DLC1: variants seen among roughly 807,000 people sequenced by gnomAD.
The protein encoded by DLC1 is rho GTPase-activating protein 7.
In DLC1, 54 loss-of-function variants were observed where a neutral mutation model predicts 140.3. That is an observed-to-expected ratio of 0.38 (90% CI 0.31 to 0.48). DLC1 has a LOEUF of 0.48. Among genes scored for constraint, DLC1 ranks in the 20% least tolerant of loss-of-function variants. The pLI is 0.96. For synonymous variants in DLC1, 986 were observed against 728.1 expected (o/e 1.35, Z -5.70); for missense variants, 2,536 against 1,907.0 (o/e 1.33, Z -6.14).
chr8:13,143,393 C>G (rs1295082424), intron 5 of DLC1, among the ~76,000 whole-genome samples: 2 of 152,162 alleles, frequency 1.3e-5, no homozygotes, highest in Admixed American at 6.5e-5. Flanking sequence ...TTTTAATAAA[C>G]AAAATATGAC....
intron 1 of DLC1, among the ~76,000 whole-genome samples, chr8:13,555,285 A>C (rs1462478647): frequency 6.6e-6 from 1 of 151,996 alleles, no homozygotes; most frequent in East Asian, 1.9e-4. Context: ...TTATCTGCTG[A>C]CACACCAGAT....
intron 4 of DLC1, among the ~76,000 whole-genome samples, chr8:13,387,037 A>T (rs1836553645): frequency 6.6e-6 from 1 of 152,054 alleles, no homozygotes; most frequent in Non-Finnish European, 1.5e-5. Flanking sequence ...GTTTTAATTA[A>T]AAACTGTATT....
chr8:13,204,040 T>A (rs977286843), intron 5 of DLC1, among the ~76,000 whole-genome samples: 2 of 152,206 alleles, frequency 1.3e-5, no homozygotes, highest in African/African-American at 4.8e-5. Context: ...GTACTCACGG[T>A]GTGTGTTGTT....
chr8:13,186,532 TC>T (rs1826378838), intron 5 of DLC1, among the ~76,000 whole-genome samples: 1 of 152,196 alleles, frequency 6.6e-6, no homozygotes, highest in Non-Finnish European at 1.5e-5. Context: ...CACTGTTTAT[TC>T]TAGGTAGCCA....
intron 4 of DLC1, among the ~76,000 whole-genome samples, chr8:13,306,791 T>C (rs1338566145): frequency 6.6e-6 from 1 of 151,922 alleles, no homozygotes. Flanking sequence ...TCCTTATGGA[T>C]AAAAAGTAGA....
In DLC1 at chr8:13,499,583, G is replaced by C; in HGVS notation, c.489C>G (p.Ser163=). ...IIQSNQVSSN[S]WGIAGETELA... ...ATTCAGTTTCACCAGCTATTCCCCA[G>C]GAGTTAGAAGAAACTTGGTTACTTT... The change falls in exon 2 of 18, where the codon TCC becomes TCG. Residue 163 remains serine, a synonymous_variant. Transcript: ENST00000276297. 6.2e-7 allele frequency: 1 copy of C among 1,614,128 alleles called. No individual in the cohort carries two copies. The highest frequency in any genetic ancestry group is 8.5e-7 in the Non-Finnish European group (1 of 1,180,006).
At chr8:13,601,800 A>G (rs17094699) in intron 1 of DLC1, among the ~76,000 whole-genome samples, 2,164 of 151,862 alleles carry the variant, frequency 0.014, 58 homozygotes, top group African/African-American at 0.05. Flanking sequence ...ATCATATATA[A>G]CAACAACAAC....
intron 2 of DLC1, among the ~76,000 whole-genome samples, chr8:13,414,347 A>ATCTT (rs1837948858): frequency 6.6e-6 from 1 of 152,210 alleles, no homozygotes; most frequent in African/African-American, 2.4e-5. Flanking sequence ...TAGACAATTT[A>ATCTT]TCTTTGCCAG....
At chr8:13,340,642 C>T (rs896461307) in intron 4 of DLC1, 1 of 152,166 alleles carries the variant, frequency 6.6e-6, no homozygotes, top group Non-Finnish European at 1.5e-5. Context: ...TTCCTTTCCC[C>T]TAAACAAGGA....
At chr8:13,355,235 C>T (rs1834877059) in intron 4 of DLC1, among the ~76,000 whole-genome samples, 1 of 152,070 alleles carries the variant, frequency 6.6e-6, no homozygotes, top group Non-Finnish European at 1.5e-5. Context: ...CCTGTAATCC[C>T]AACACCTAGG....
intron 5 of DLC1, among the ~76,000 whole-genome samples, chr8:13,242,468 T>C (rs1275587933): frequency 6.6e-6 from 1 of 151,812 alleles, no homozygotes; most frequent in Non-Finnish European, 1.5e-5. Flanking sequence ...TGACCACAGC[T>C]CACTGCAGCC....
Position 13,184,795 on chromosome 8 carries a change from C to G in DLC1, c.1349-69138G>C, listed in dbSNP as rs1016704067. On this transcript the variant is annotated intron_variant, in intron 5 of 17. Coordinates refer to ENST00000276297, the MANE Select transcript of DLC1 (RefSeq NM_182643.3). ...TTCTCTTGATTTGGGGTGGAGAGTT[C>G]TGTAGATGTCTATTAGGTCTGCTTG... Among the ~76,000 whole-genome samples the G allele has an allele frequency of 1.1e-4, 17 of 152,262 alleles. No individual in the cohort carries two copies. In the South Asian group the frequency reaches 3.5e-3, roughly 32 times the overall value.
intron 5 of DLC1, chr8:13,276,360 C>T (rs1218509069): frequency 3.5e-5 from 54 of 1,522,484 alleles, no homozygotes; most frequent in Non-Finnish European, 4.5e-5. Flanking sequence ...GAGAGGGGCT[C>T]GCAGGGGGCG....
At chr8:13,318,709 G>T (rs1323364444) in intron 4 of DLC1, among the ~76,000 whole-genome samples, 1 of 152,200 alleles carries the variant, frequency 6.6e-6, no homozygotes, top group Non-Finnish European at 1.5e-5. Flanking sequence ...TCCTTGAGAT[G>T]CCTAATGATT....
intron 2 of DLC1, among the ~76,000 whole-genome samples, chr8:13,456,986 G>C (rs1459394400): frequency 6.6e-6 from 1 of 152,186 alleles, no homozygotes; most frequent in South Asian, 2.1e-4. Flanking sequence ...GAAACGTCCA[G>C]TTGTAGAACA....
intron 4 of DLC1, among the ~76,000 whole-genome samples, chr8:13,369,272 A>G (rs1338612413): frequency 3.4e-5 from 5 of 148,698 alleles, no homozygotes; most frequent in Non-Finnish European, 7.4e-5. Flanking sequence ...ATTTGGTTGA[A>G]CTTCTAATAG....
chr8:13,314,250 G>A (rs1415361594), intron 4 of DLC1, among the ~76,000 whole-genome samples: 1 of 147,234 alleles, frequency 6.8e-6, no homozygotes, highest in Non-Finnish European at 1.5e-5. Flanking sequence ...TAATATACAT[G>A]TGTATACATA....
chr8:13,223,131 A>G (rs969913833), intron 5 of DLC1, among the ~76,000 whole-genome samples: 1 of 152,130 alleles, frequency 6.6e-6, no homozygotes, highest in Non-Finnish European at 1.5e-5. Context: ...TTTGTGCCTC[A>G]ATATTTTCTT....
At chr8:13,580,719 T>C (rs1805065013) in intron 1 of DLC1, among the ~76,000 whole-genome samples, 1 of 152,210 alleles carries the variant, frequency 6.6e-6, no homozygotes. Context: ...ACTTTTAAGA[T>C]CCTATTTTAA....
Sources: gnomAD v4.1 joint callset for allele counts (sites outside exome capture counted in the v4.1 genomes callset) on GRCh38, gnomAD v4.1.1 for gene constraint, MANE v1.5 for transcripts, NCBI Gene and HGNC (gene_info 2026-07-23, HGNC 2026-07-21) for gene names.